HHAT: variants seen among roughly 807,000 people sequenced by gnomAD.
HHAT encodes protein-cysteine N-palmitoyltransferase HHAT.
In HHAT, 47 loss-of-function variants were observed where a neutral mutation model predicts 70.8. The observed-to-expected ratio is 0.66, with a 90% CI of 0.53 to 0.85. The LOEUF (loss-of-function observed/expected upper bound fraction) is 0.85. Ranked by LOEUF, HHAT falls within the 40% of genes least tolerant of loss-of-function variation. The pLI is 0.00. For synonymous variants in HHAT, 228 were observed against 247.6 expected (o/e 0.92, Z 0.74); for missense variants, 609 against 604.8 (o/e 1.01, Z -0.07).
At chr1:210,540,523 GCTCTCTCTCTCT>G (rs3067934) in intron 9 of HHAT, among the ~76,000 whole-genome samples, 1 of 147,392 alleles carries the variant, frequency 6.8e-6, no homozygotes, top group Non-Finnish European at 1.5e-5. Flanking sequence ...ACAAACACAC[GCTCTCTCTCTCT>G]CTCTAACTCA....
chr1:210,343,658 G>C (rs952406155), intron 1 of HHAT, among the ~76,000 whole-genome samples: 1 of 152,170 alleles, frequency 6.6e-6, no homozygotes, highest in Non-Finnish European at 1.5e-5. Flanking sequence ...AAGAGGCACC[G>C]GGCTGAAAGC....
chr1:210,663,904 C>G (rs1678332453), intron 11 of HHAT, among the ~76,000 whole-genome samples: 1 of 152,220 alleles, frequency 6.6e-6, no homozygotes, highest in African/African-American at 2.4e-5. Context: ...CCATCTAGTC[C>G]TTTCTCCTGA....
At chr1:210,571,054 C>T (rs1656165737) in intron 9 of HHAT, among the ~76,000 whole-genome samples, 1 of 152,100 alleles carries the variant, frequency 6.6e-6, no homozygotes, top group Non-Finnish European at 1.5e-5. Context: ...CCTCGGCCGT[C>T]GAATTGAAAA....
chr1:210,461,821 A>G (rs1052742320), intron 7 of HHAT, among the ~76,000 whole-genome samples: 6 of 152,324 alleles, frequency 3.9e-5, no homozygotes, highest in African/African-American at 1.4e-4. Context: ...TAAGCCTTTC[A>G]TATCTTAAGC....
chr1:210,447,149 A>G (rs1022574821), intron 7 of HHAT, among the ~76,000 whole-genome samples: 3 of 152,318 alleles, frequency 2.0e-5, no homozygotes, highest in Admixed American at 6.5e-5. Flanking sequence ...TGACGTTGGG[A>G]AAACCACTTA....
intron 9 of HHAT, among the ~76,000 whole-genome samples, chr1:210,525,436 T>C (rs1465425531): frequency 1.3e-5 from 2 of 152,232 alleles, no homozygotes; most frequent in East Asian, 1.9e-4. Flanking sequence ...CCTTTGCTTA[T>C]GTTCACAGAA....
chr1:210,577,680 C>T (rs1658210440), intron 9 of HHAT, among the ~76,000 whole-genome samples: 1 of 109,156 alleles, frequency 9.2e-6, no homozygotes, highest in South Asian at 3.2e-4. Context: ...TGGAGTCTCA[C>T]TCTGTCACCC....
intron 11 of HHAT, among the ~76,000 whole-genome samples, chr1:210,667,672 C>G (rs778095237): frequency 6.6e-6 from 1 of 152,090 alleles, no homozygotes; most frequent in Non-Finnish European, 1.5e-5. Context: ...CCAAAAGATT[C>G]CTAGGGCCCC....
At chr1:210,532,750 T>C (rs1238882748) in intron 9 of HHAT, among the ~76,000 whole-genome samples, 1 of 151,494 alleles carries the variant, frequency 6.6e-6, no homozygotes, top group Non-Finnish European at 1.5e-5. Flanking sequence ...TACCTGAGTT[T>C]TCTGTGGTCT....
chr1:210,646,501 C>G (rs1031942447), intron 11 of HHAT, among the ~76,000 whole-genome samples: 6 of 152,084 alleles, frequency 3.9e-5, no homozygotes, highest in African/African-American at 1.4e-4. Flanking sequence ...AAGACAAAAG[C>G]CCGTAAGACA....
chr1:210,657,904 G>A (rs546344666), intron 11 of HHAT, among the ~76,000 whole-genome samples: 29 of 152,294 alleles, frequency 1.9e-4, no homozygotes, highest in Non-Finnish European at 3.4e-4. Flanking sequence ...TGTTGCACAG[G>A]CTTGGAAAAT....
intron 3 of HHAT, among the ~76,000 whole-genome samples, chr1:210,376,014 ATTTTTTTTTT>A (rs57707354): frequency 4.6e-5 from 5 of 108,908 alleles, no homozygotes; most frequent in Admixed American, 1.1e-4. Context: ...TGCACAGCTA[ATTTTTTTTTT>A]TTTTTTTTTT....
chr1:210,376,855 CCTT>C (rs1035350835), intron 3 of HHAT, among the ~76,000 whole-genome samples: 39 of 152,306 alleles, frequency 2.6e-4, no homozygotes, highest in African/African-American at 8.7e-4. Flanking sequence ...TGGAGGGTTC[CCTT>C]CTTCTTCCCC....
chr1:210,513,033 A>G, intron 8 of HHAT, 120 bp from the exon 9 acceptor site: 2 of 628,512 alleles, frequency 3.2e-6, no homozygotes, highest in Non-Finnish European at 5.5e-6. Context: ...CTTGAGAACT[A>G]CTGTGGTAGA....
rs370726151 is a variant in HHAT at position 210,453,127 on chromosome 1, GA to G, written c.857-11377del. ...TACAACATAACAGTGAGAGGAAAGG[GA>G]TAAGACATTTGACGTCTGATCCTTG... On this transcript the variant is annotated intron_variant, in intron 7 of 11. Coordinates refer to ENST00000261458, the MANE Select transcript of HHAT (RefSeq NM_018194.6). Among the ~76,000 whole-genome samples, 27 of 152,320 alleles carry G rather than the reference GA, an allele frequency of 1.8e-4. No homozygotes were observed. The East Asian group carries it at 5.2e-3, about 29-fold the overall frequency.
intron 9 of HHAT, among the ~76,000 whole-genome samples, chr1:210,536,237 A>G (rs968077163): frequency 9.2e-5 from 14 of 152,274 alleles, no homozygotes; most frequent in African/African-American, 3.4e-4. Context: ...AGCCCATTCT[A>G]GCACACAGAA....
chr1:210,591,976 G>T (rs1661820768), intron 10 of HHAT, among the ~76,000 whole-genome samples: 1 of 152,036 alleles, frequency 6.6e-6, no homozygotes, highest in Non-Finnish European at 1.5e-5. Context: ...CTCCCATTCT[G>T]TGGGTTGTCT....
chr1:210,447,386 A>G (rs769344413), intron 7 of HHAT, among the ~76,000 whole-genome samples: 7 of 152,232 alleles, frequency 4.6e-5, no homozygotes, highest in Non-Finnish European at 1.0e-4. Context: ...AGCCCACTAC[A>G]GAGAGAAGAC....
chr1:210,602,273 T>C (rs1442689945), intron 10 of HHAT, among the ~76,000 whole-genome samples: 1 of 151,988 alleles, frequency 6.6e-6, no homozygotes, highest in Non-Finnish European at 1.5e-5. Flanking sequence ...CACAGACCAG[T>C]TGAGGACCAC....
Sources: allele counts gnomAD v4.1 joint callset (sites outside exome capture counted in the v4.1 genomes callset), GRCh38; gene constraint gnomAD v4.1.1; transcripts MANE v1.5; gene names NCBI Gene and HGNC (gene_info 2026-07-23, HGNC 2026-07-21).